The following GPHN variants were observed in gnomAD, a reference collection of about 807,000 sequenced individuals.
GPHN encodes gephyrin.
A neutral mutation model predicts 95.5 loss-of-function variants in GPHN; 17 were observed. That is an observed-to-expected ratio of 0.18 (90% CI 0.12 to 0.27). The LOEUF is 0.27. Ranked by LOEUF, GPHN falls within the 10% of genes least tolerant of loss-of-function variation. GPHN has a pLI of 1.00. For missense variants in GPHN, 660 were observed against 978.1 expected (o/e 0.67, Z 4.34); for synonymous variants, 320 against 322.5 (o/e 0.99, Z 0.08).
chr14:67,101,849 A>ATTTAT (rs2077713032), intron 13 of GPHN, among the ~76,000 whole-genome samples: 2 of 145,488 alleles, frequency 1.4e-5, no homozygotes, highest in South Asian at 2.2e-4. Flanking sequence ...TGGTTTATGT[A>ATTTAT]TTATTTATTT....
At chr14:67,722,717 C>G in the GPHN span, 1 of 1,611,396 alleles carries the variant, frequency 6.2e-7, no homozygotes, top group Non-Finnish European at 8.5e-7. Context: ...TCAGGTTTGT[C>G]TTAATTCAGC....
At chr14:67,543,983 A>G in the GPHN span, among the ~76,000 whole-genome samples, 1 of 152,136 alleles carries the variant, frequency 6.6e-6, no homozygotes, top group Non-Finnish European at 1.5e-5. Flanking sequence ...GAGTAATGTA[A>G]GGTTTGAAGT....
At chr14:66,935,367 A>G (rs1192939083) in intron 8 of GPHN, among the ~76,000 whole-genome samples, 1 of 151,984 alleles carries the variant, frequency 6.6e-6, no homozygotes, top group Non-Finnish European at 1.5e-5. Context: ...GAAGAAAAAG[A>G]GTTGGTGACT....
chr14:66,747,814 T>C (rs1595770143), intron 2 of GPHN, among the ~76,000 whole-genome samples: 1 of 152,128 alleles, frequency 6.6e-6, no homozygotes, highest in African/African-American at 2.4e-5. Flanking sequence ...TTCAGCAGGT[T>C]AAAAGGAAGA....
At chr14:67,223,252 G>A in the GPHN span, among the ~76,000 whole-genome samples, 3 of 152,026 alleles carry the variant, frequency 2.0e-5, no homozygotes, top group Non-Finnish European at 2.9e-5. Flanking sequence ...CCCCTGCCTT[G>A]GCCTCCCAAA....
intron 1 of GPHN, among the ~76,000 whole-genome samples, chr14:66,602,370 A>C (rs960960473): frequency 6.6e-6 from 1 of 151,686 alleles, no homozygotes; most frequent in African/African-American, 2.4e-5. Context: ...TTTTATTGTT[A>C]GTTTTGTTTT....
chr14:66,754,779 A>G (rs1353397974), intron 2 of GPHN, among the ~76,000 whole-genome samples: 1 of 152,002 alleles, frequency 6.6e-6, no homozygotes, highest in East Asian at 1.9e-4. Context: ...GACTTCAGAG[A>G]AGTTGTCATT....
At chr14:67,632,994 G>A in the GPHN span, among the ~76,000 whole-genome samples, 4 of 151,092 alleles carry the variant, frequency 2.6e-5, no homozygotes, top group South Asian at 2.1e-4. Context: ...CTAATTTTTC[G>A]TATTTTTAGT....
the GPHN span, among the ~76,000 whole-genome samples, chr14:67,277,588 T>C: frequency 5.3e-5 from 8 of 152,104 alleles, no homozygotes; most frequent in Non-Finnish European, 4.4e-5. Flanking sequence ...GTAAATATTA[T>C]TGCTCTTGAG....
chr14:66,640,264 T>C (rs1279466355), intron 1 of GPHN, among the ~76,000 whole-genome samples: 1 of 151,932 alleles, frequency 6.6e-6, no homozygotes, highest in African/African-American at 2.4e-5. Flanking sequence ...CTACTAAAAA[T>C]ACAAAAAATT....
At chr14:67,145,947 A>C (rs1308766970) in intron 18 of GPHN, among the ~76,000 whole-genome samples, 1 of 152,242 alleles carries the variant, frequency 6.6e-6, no homozygotes, top group East Asian at 1.9e-4. Context: ...TCCAAGAATT[A>C]TGACAAGGAA....
At chr14:66,970,586 T>C (rs1317926006) in intron 9 of GPHN, among the ~76,000 whole-genome samples, 1 of 152,210 alleles carries the variant, frequency 6.6e-6, no homozygotes, top group Non-Finnish European at 1.5e-5. Context: ...GCTCATAAAA[T>C]GGCCATACTT....
intron 2 of GPHN, among the ~76,000 whole-genome samples, chr14:66,698,727 T>C (rs2068291922): frequency 6.6e-6 from 1 of 152,182 alleles, no homozygotes; most frequent in Non-Finnish European, 1.5e-5. Context: ...ATCCATCCTT[T>C]GGTATGTGTT....
the GPHN span, among the ~76,000 whole-genome samples, chr14:67,665,657 A>C: frequency 6.6e-6 from 1 of 152,156 alleles, no homozygotes; most frequent in Non-Finnish European, 1.5e-5. Context: ...GAAACATGGA[A>C]ATTTATTTTG....
chr14:66,857,690 CA>C (rs370886713), intron 4 of GPHN, among the ~76,000 whole-genome samples: 8 of 152,138 alleles, frequency 5.3e-5, no homozygotes, highest in African/African-American at 1.7e-4. Flanking sequence ...TTATCAAAAC[CA>C]AAAAACAGAT....
chr14:67,383,528 A>C, the GPHN span: 1 of 1,554,214 alleles, frequency 6.4e-7, no homozygotes, highest in Non-Finnish European at 8.8e-7. Context: ...CCAGTATTGA[A>C]AACTTCAAAG....
the GPHN span, among the ~76,000 whole-genome samples, chr14:67,194,016 T>A: frequency 9.3e-5 from 14 of 150,434 alleles, no homozygotes; most frequent in African/African-American, 2.9e-4. Context: ...AAAATCTATT[T>A]GTAAAACTGG....
At chr14:67,568,011 G>A in the GPHN span, among the ~76,000 whole-genome samples, 1 of 152,168 alleles carries the variant, frequency 6.6e-6, no homozygotes, top group Non-Finnish European at 1.5e-5. Context: ...CCTCAGGACG[G>A]GCATTCTCCC....
intron 13 of GPHN, among the ~76,000 whole-genome samples, chr14:67,109,165 T>C (rs1567343654): frequency 6.6e-6 from 1 of 152,228 alleles, no homozygotes; most frequent in Non-Finnish European, 1.5e-5. Context: ...GGTAATCTTA[T>C]AGGACCACCA....
Sources: gnomAD v4.1 joint callset for allele counts (sites outside exome capture counted in the v4.1 genomes callset) on GRCh38, gnomAD v4.1.1 for gene constraint, MANE v1.5 for transcripts, NCBI Gene and HGNC (gene_info 2026-07-23, HGNC 2026-07-21) for gene names.